CYP19A1: variants seen among roughly 807,000 people sequenced by gnomAD.
The protein encoded by CYP19A1 is cytochrome P450 family 19 subfamily A member 1.
A neutral mutation model predicts 44.4 loss-of-function variants in CYP19A1; 32 were observed. The ratio of observed to expected loss-of-function variants is 0.72; its 90% CI spans 0.54 to 0.97. The LOEUF is 0.97. CYP19A1 is among the 50% of genes least tolerant of loss of function. The pLI is 0.00. For missense variants in CYP19A1, 598 were observed against 637.8 expected, an observed-to-expected ratio of 0.94 and a Z score of 0.67; for synonymous variants, 212 against 215.6, an observed-to-expected ratio of 0.98 and a Z score of 0.14.
rs370444794 is a variant in CYP19A1, at chr15:51,317,569, G to A, written c.-39+20926C>T. The stretch of plus-strand genomic sequence containing the variant: ...ATGGGCTTTAGATACACAGAGATTT[G>A]GGCAAGAACATTCACCCCCACACAG... On this transcript the variant is annotated intron_variant, in intron 1 of 9. Transcript: ENST00000396402. 1.7e-4 allele frequency among the ~76,000 whole-genome samples: 26 copies of A among 152,302 alleles called. No individual in the cohort carries two copies. The East Asian group carries it at 3.7e-3, about 21-fold the overall frequency.
intron 3 of CYP19A1, among the ~76,000 whole-genome samples, chr15:51,233,634 CATT>C (rs2033188604): frequency 6.6e-6 from 1 of 152,132 alleles, no homozygotes; most frequent in South Asian, 2.1e-4. Flanking sequence ...TAAATTTGCA[CATT>C]ATTAAGACAG....
At chr15:51,261,046 CCTT>C (rs2034697748) in intron 1 of CYP19A1, among the ~76,000 whole-genome samples, 1 of 152,210 alleles carries the variant, frequency 6.6e-6, no homozygotes, top group East Asian at 1.9e-4. Flanking sequence ...TGTCCACTGA[CCTT>C]CTGATCCAGC....
intron 1 of CYP19A1, among the ~76,000 whole-genome samples, chr15:51,276,632 T>C (rs968811999): frequency 1.3e-5 from 2 of 152,258 alleles, no homozygotes; most frequent in African/African-American, 4.8e-5. Flanking sequence ...ATTTTAGTTC[T>C]GAAGGACAAA....
At chr15:51,332,998 G>C (rs1217445470) in intron 1 of CYP19A1, among the ~76,000 whole-genome samples, 1 of 152,102 alleles carries the variant, frequency 6.6e-6, no homozygotes, top group Non-Finnish European at 1.5e-5. Flanking sequence ...TTCTTAACTT[G>C]GGAAATTTAC....
intron 1 of CYP19A1, among the ~76,000 whole-genome samples, chr15:51,326,175 G>A (rs2036605989): frequency 1.3e-5 from 2 of 152,244 alleles, no homozygotes; most frequent in Admixed American, 6.5e-5. Flanking sequence ...CTCCCCAAAT[G>A]TTCCCAGTTT....
chr15:51,307,250 G>A (rs1055958826), intron 1 of CYP19A1, among the ~76,000 whole-genome samples: 1 of 152,182 alleles, frequency 6.6e-6, no homozygotes, highest in Non-Finnish European at 1.5e-5. Context: ...CAGGGCAGTG[G>A]CAATGGAAAG....
chr15:51,292,180 A>ACAGG (rs2035862796), intron 1 of CYP19A1, among the ~76,000 whole-genome samples: 2 of 152,242 alleles, frequency 1.3e-5, no homozygotes, highest in African/African-American at 4.8e-5. Context: ...ATCAAATTGG[A>ACAGG]CAGGCAGAGT....
At position 51,212,410 on chromosome 15, in the gene CYP19A1, C is replaced by T. The variant is rs757536717; in HGVS notation, c.1173G>A (p.Gly391=). The T allele has an allele frequency of 1.9e-6, 3 of 1,601,110 alleles. No homozygotes were observed. The Admixed American group carries it at 5.0e-5, about 27-fold the overall frequency. ...TTCCAATATTCAGGATAATGTTTGT[C>T]CCCTTTTTCACTGGGTAGCCATCGA... ...DVIDGYPVKK[G]TNIILNIGRM... The change falls in exon 9 of 10, where the codon GGG becomes GGA. Residue 391 remains glycine, a synonymous_variant. Coordinates refer to ENST00000396402, the MANE Select transcript of CYP19A1 (RefSeq NM_000103.4).
At chr15:51,215,414 G>A (rs1384337188) in intron 7 of CYP19A1, among the ~76,000 whole-genome samples, 182 bp from the exon 8 acceptor site, 4 of 152,154 alleles carry the variant, frequency 2.6e-5, no homozygotes, top group East Asian at 1.9e-4. Context: ...CGATTAGGCC[G>A]ACTGTCTATG....
chr15:51,324,240 G>A (rs1595785949), intron 1 of CYP19A1, among the ~76,000 whole-genome samples: 3 of 152,302 alleles, frequency 2.0e-5, no homozygotes, highest in Admixed American at 2.0e-4. Flanking sequence ...TTATGTAAAG[G>A]TAGACATTTC....
At chr15:51,242,194 C>A (rs1459757658) in intron 2 of CYP19A1, 1 of 153,346 alleles carries the variant, frequency 6.5e-6, no homozygotes, top group African/African-American at 2.4e-5. Flanking sequence ...GGAGTGGTCC[C>A]CATTTTTCTC....
At chr15:51,216,164 C>CA (rs1420532481) in intron 6 of CYP19A1, among the ~76,000 whole-genome samples, 4 of 152,088 alleles carry the variant, frequency 2.6e-5, no homozygotes, top group African/African-American at 9.7e-5. Context: ...AAAACAAAAA[C>CA]AAAAAAACCT....
chr15:51,308,940 C>T (rs1566921431), intron 1 of CYP19A1, among the ~76,000 whole-genome samples: 1 of 152,176 alleles, frequency 6.6e-6, no homozygotes, highest in Non-Finnish European at 1.5e-5. Context: ...TTCTTCCCTC[C>T]CACATTTACT....
intron 8 of CYP19A1, among the ~76,000 whole-genome samples, chr15:51,214,631 C>T (rs182131159): frequency 3.8e-4 from 58 of 152,306 alleles, no homozygotes; most frequent in Non-Finnish European, 7.5e-4. Context: ...TTGTAACTGA[C>T]AAGGTAGGCA....
rs575411364 is a variant in CYP19A1 at position 51,231,293 on chromosome 15, C to A, written c.297-3360G>T. Among the ~76,000 whole-genome samples, 271 of 152,188 alleles carry A rather than the reference C, an allele frequency of 1.8e-3. 2 individuals are homozygous for A. The highest frequency in any genetic ancestry group is 1.9e-3 in the Non-Finnish European group (127 of 68,004). On this transcript the variant is annotated intron_variant, in intron 3 of 9. Transcript: ENST00000396402. ...TATAGTAAATGACACCCTGATGAAA[C>A]AGTGAGAGAAATTCAGAATGTGGGA... is the stretch of plus-strand genomic sequence containing the variant.
chr15:51,301,001 T>G (rs888639540), intron 1 of CYP19A1, among the ~76,000 whole-genome samples: 1 of 152,128 alleles, frequency 6.6e-6, no homozygotes, highest in Non-Finnish European at 1.5e-5. Flanking sequence ...GGAACTACCT[T>G]TCCAGGGAAG....
intron 1 of CYP19A1, among the ~76,000 whole-genome samples, chr15:51,270,184 G>GGT (rs1555395130): frequency 6.7e-6 from 1 of 149,130 alleles, no homozygotes; most frequent in African/African-American, 2.5e-5. Flanking sequence ...GTATTCTTTG[G>GGT]TTTTTTTTTT....
At chr15:51,311,714 A>G (rs903809712) in intron 1 of CYP19A1, among the ~76,000 whole-genome samples, 1 of 152,198 alleles carries the variant, frequency 6.6e-6, no homozygotes, top group Admixed American at 6.5e-5. Flanking sequence ...CTCCTCACTT[A>G]TCTGGACTCT....
chr15:51,322,805 TCA>T (rs1188997745), intron 1 of CYP19A1, among the ~76,000 whole-genome samples: 1 of 152,220 alleles, frequency 6.6e-6, no homozygotes, highest in African/African-American at 2.4e-5. Context: ...TCAGCACCTC[TCA>T]GTTTCTCTCC....
Sources: gnomAD v4.1 joint callset for allele counts (sites outside exome capture counted in the v4.1 genomes callset) on GRCh38, gnomAD v4.1.1 for gene constraint, MANE v1.5 for transcripts, NCBI Gene and HGNC (gene_info 2026-07-23, HGNC 2026-07-21) for gene names.